Variants in TSHR observed in about 807,000 individuals in gnomAD.
The protein encoded by TSHR is thyrotropin receptor.
In TSHR, 51 loss-of-function variants were observed where a neutral mutation model predicts 64.1. The observed-to-expected ratio is 0.80, with a 90% CI of 0.64 to 1.01. TSHR has a LOEUF of 1.01. Ranked by LOEUF, TSHR falls within the 50% of genes least tolerant of loss-of-function variation. The pLI, the probability that TSHR is intolerant of heterozygous loss-of-function variation, is 0.00. For missense variants in TSHR, 877 were observed against 942.8 expected (o/e 0.93, Z 0.91); for synonymous variants, 361 against 361.9 (o/e 1.00, Z 0.03).
chr14:80,964,399 A>G (rs1200932721), intron 1 of TSHR, among the ~76,000 whole-genome samples: 2 of 152,210 alleles, frequency 1.3e-5, no homozygotes, highest in Non-Finnish European at 2.9e-5. Flanking sequence ...TACATAAAAC[A>G]TATTGTTAAA....
chr14:81,102,768 A>G (rs1889667537), intron 7 of TSHR: 1 of 984,862 alleles, frequency 1.0e-6, no homozygotes, highest in Non-Finnish European at 1.2e-6. Flanking sequence ...CTCTGGATAA[A>G]AGTATTCAGT....
At chr14:81,032,765 G>C in intron 1 of TSHR, 1 of 428,156 alleles carries the variant, frequency 2.3e-6, no homozygotes, top group South Asian at 2.0e-5. Context: ...ATTCCAAATT[G>C]GTGGAAGTTG....
intron 1 of TSHR, among the ~76,000 whole-genome samples, chr14:80,962,222 C>A (rs186819162): frequency 6.6e-6 from 1 of 152,344 alleles, no homozygotes; most frequent in Admixed American, 6.5e-5. Flanking sequence ...TTGTAACTTT[C>A]ATACACCTAT....
chr14:81,035,162 C>T (rs562859846), intron 1 of TSHR, among the ~76,000 whole-genome samples: 6 of 152,214 alleles, frequency 3.9e-5, no homozygotes, highest in African/African-American at 1.4e-4. Flanking sequence ...AGAGTTGAAG[C>T]GGCCCTGAAA....
Position 81,062,182 on chromosome 14 carries a change from A to G in TSHR, c.205A>G (p.Ser69Gly). ...TGAGACTCACCTGAGAACTATTCCA[A>G]GTCATGCATTTTCTAATCTGCCCAA... ...LIETHLRTIP[S>G]HAFSNLPNIS... is the part of the protein sequence containing the mutation. Residue 69 changes from serine (S) to glycine (G), a missense_variant, in exon 2 of 10, where the codon AGT becomes GGT. Ser to Gly is a moderately conservative substitution (Grantham distance 56). Transcript: ENST00000298171. 6.2e-7 allele frequency: 1 copy of G among 1,611,984 alleles called. No individual in the cohort carries two copies. The highest frequency in any genetic ancestry group is 8.5e-7 in the Non-Finnish European group (1 of 1,178,826).
rs1384889827 is a variant in TSHR at position 81,102,299 on chromosome 14, TG to T, written c.614+5595del. Among the ~76,000 whole-genome samples the T allele has an allele frequency of 2.0e-5, 3 of 152,104 alleles. No homozygotes were observed. In the East Asian group the frequency reaches 5.8e-4, roughly 29 times the overall value. On this transcript the variant is annotated intron_variant, in intron 7 of 9. Coordinates refer to ENST00000298171, the MANE Select transcript of TSHR (RefSeq NM_000369.5). Reference sequence around the variant, plus strand: ...TCCTCAGACCATATCATGGATTCTGTGGGAGGCTTAGCTGACGGCAGAGATA... The same window carrying T: ...TCCTCAGACCATATCATGGATTCTGTGGAGGCTTAGCTGACGGCAGAGATA...
At chr14:81,016,417 G>A (rs968531025) in intron 1 of TSHR, among the ~76,000 whole-genome samples, 2 of 152,104 alleles carry the variant, frequency 1.3e-5, no homozygotes, top group African/African-American at 4.8e-5. Context: ...TTGTATTTCT[G>A]TATGTCTTCT....
chr14:81,073,191 A>G (rs908616401), intron 3 of TSHR, among the ~76,000 whole-genome samples: 1 of 150,916 alleles, frequency 6.6e-6, no homozygotes, highest in Non-Finnish European at 1.5e-5. Context: ...TGTCTATAAG[A>G]GCATAGCTTC....
Position 81,122,856 on chromosome 14 carries a change from G to T in TSHR, c.692+14404G>T, listed in dbSNP as rs541071597. Reference sequence around the variant, plus strand: ...TAATAAAAATTAGGCTGGGCGTGGTGGCTCAGGCCTGTAATCCCAGCACTT... The same window carrying T: ...TAATAAAAATTAGGCTGGGCGTGGTTGCTCAGGCCTGTAATCCCAGCACTT... On this transcript the variant is annotated intron_variant, in intron 8 of 9. Coordinates refer to ENST00000298171, the MANE Select transcript of TSHR (RefSeq NM_000369.5). 4.7e-3 allele frequency among the ~76,000 whole-genome samples: 723 copies of T among 152,312 alleles called. 5 individuals carry two copies. The highest frequency in any genetic ancestry group is 7.6e-3 in the Non-Finnish European group (518 of 68,020).
At chr14:81,036,125 T>C (rs1380117688) in intron 1 of TSHR, among the ~76,000 whole-genome samples, 1 of 152,148 alleles carries the variant, frequency 6.6e-6, no homozygotes, top group African/African-American at 2.4e-5. Context: ...ATTTGCATTA[T>C]GGGATTTCCA....
intron 8 of TSHR, among the ~76,000 whole-genome samples, chr14:81,119,909 C>T (rs1459893328): frequency 7.8e-5 from 8 of 102,086 alleles, no homozygotes; most frequent in African/African-American, 3.2e-4. Flanking sequence ...AATCATCATT[C>T]TCAGTAAACT....
chr14:80,984,022 A>G (rs549456791), intron 1 of TSHR, among the ~76,000 whole-genome samples: 9 of 152,256 alleles, frequency 5.9e-5, no homozygotes, highest in Admixed American at 3.9e-4. Context: ...GAAGTAAGGC[A>G]TACACACACA....
chr14:81,040,383 C>T (rs147084890), intron 1 of TSHR, among the ~76,000 whole-genome samples: 15 of 152,068 alleles, frequency 9.9e-5, no homozygotes, highest in African/African-American at 2.9e-4. Flanking sequence ...AGGGAAATCC[C>T]TTTATGACAC....
rs558262987 is a variant in TSHR at position 81,128,405 on chromosome 14, C to T, written c.693-11274C>T. On this transcript the variant is annotated intron_variant, in intron 8 of 9. Coordinates refer to ENST00000298171, the MANE Select transcript of TSHR (RefSeq NM_000369.5). ...TTCAGTATTAACTAACTCCAAAACA[C>T]GATCTCTTCCTGGTACATCAGGTCA... Among the ~76,000 whole-genome samples the T allele has an allele frequency of 9.1e-4, 139 of 152,318 alleles. 1 individual carries two copies. The highest frequency in any genetic ancestry group is 1.2e-3 in the Non-Finnish European group (80 of 68,032).
At chr14:81,092,444 G>A in intron 5 of TSHR, 87 bp from the exon 6 acceptor site, 1 of 1,171,850 alleles carries the variant, frequency 8.5e-7, no homozygotes, top group Non-Finnish European at 1.3e-6. Context: ...ATTGTGTCCT[G>A]TTATTTAAGT....
At chr14:81,091,659 C>A (rs767036329) in intron 5 of TSHR, among the ~76,000 whole-genome samples, 3 of 152,230 alleles carry the variant, frequency 2.0e-5, no homozygotes, top group Non-Finnish European at 4.4e-5. Flanking sequence ...CACTTTCCCA[C>A]ACATGACATT....
At chr14:81,080,464 G>C (rs1887822054) in intron 3 of TSHR, among the ~76,000 whole-genome samples, 1 of 152,148 alleles carries the variant, frequency 6.6e-6, no homozygotes, top group Admixed American at 6.5e-5. Context: ...AGGCAATTTA[G>C]AGAATCACTT....
chr14:81,036,213 A>G (rs932657582), intron 1 of TSHR, among the ~76,000 whole-genome samples: 1 of 152,218 alleles, frequency 6.6e-6, no homozygotes, highest in African/African-American at 2.4e-5. Flanking sequence ...CTTTGGAGAG[A>G]TATGTACATC....
intron 1 of TSHR, among the ~76,000 whole-genome samples, chr14:81,027,662 C>T (rs947623925): frequency 4.0e-5 from 6 of 151,834 alleles, no homozygotes; most frequent in East Asian, 1.9e-4. Flanking sequence ...ATGTGTAAAA[C>T]GTAGGGGAAA....
Sources: gnomAD v4.1 joint callset for allele counts (sites outside exome capture counted in the v4.1 genomes callset) on GRCh38, gnomAD v4.1.1 for gene constraint, MANE v1.5 for transcripts, NCBI Gene and HGNC (gene_info 2026-07-23, HGNC 2026-07-21) for gene names.